Variants in NFX1 observed in about 807,000 individuals in gnomAD.
NFX1 encodes the protein transcriptional repressor NF-X1.
A neutral mutation model predicts 137.2 loss-of-function variants in NFX1; 69 were observed. The observed-to-expected ratio is 0.50, with a 90% CI of 0.41 to 0.61. The LOEUF is 0.61. Among genes scored for constraint, NFX1 ranks in the 20% least tolerant of loss-of-function variants. NFX1 has a pLI of 0.00. For missense variants in NFX1, 1,167 were observed against 1,391.0 expected (o/e 0.84, Z 2.56); for synonymous variants, 495 against 474.1 (o/e 1.04, Z -0.57).
At chr9:33,332,011 ATAT>A (rs1319443260) in intron 10 of NFX1, among the ~76,000 whole-genome samples, 3 of 152,190 alleles carry the variant, frequency 2.0e-5, no homozygotes, top group Non-Finnish European at 2.9e-5. Context: ...TAGTTTTGTG[ATAT>A]TATCAGGTGT....
chr9:33,299,748 T>C (rs1009920067), intron 2 of NFX1, among the ~76,000 whole-genome samples: 1 of 152,170 alleles, frequency 6.6e-6, no homozygotes, highest in Non-Finnish European at 1.5e-5. Flanking sequence ...TCCATGAATT[T>C]AACAAATATT....
chr9:33,347,456 A>G (rs567078024), intron 15 of NFX1, among the ~76,000 whole-genome samples: 1 of 152,290 alleles, frequency 6.6e-6, no homozygotes, highest in Admixed American at 6.5e-5. Flanking sequence ...TGTTCCAATC[A>G]TTTTACTTTA....
At chr9:33,299,769 C>T (rs1212318059) in intron 2 of NFX1, among the ~76,000 whole-genome samples, 2 of 152,164 alleles carry the variant, frequency 1.3e-5, no homozygotes. Context: ...TAATGGAGCA[C>T]CTAGTATATG....
rs1823680841 is a variant in NFX1 at position 33,352,699 on chromosome 9, A to C, written c.2709A>C (p.Glu903Asp). ...GAAAAGAGATGGTGATTTGCTCTGAAGCATCTAGTACTTATCAAAGGTTAG... is the reference window on the plus strand; with the variant it reads ...GAAAAGAGATGGTGATTTGCTCTGACGCATCTAGTACTTATCAAAGGTTAG... Reference protein sequence around the residue: ...GRRKEMVICSEASSTYQRIAA... With the variant: ...GRRKEMVICSDASSTYQRIAA... Residue 903 changes from glutamate (E) to aspartate (D), a missense_variant, in exon 17 of 24, where the codon GAA (glutamate) becomes GAC (aspartate). Physicochemically the swap from Glu to Asp is conservative, Grantham distance 45 (BLOSUM62 2). Coordinates refer to ENST00000379540, the MANE Select transcript of NFX1 (RefSeq NM_002504.6). 9 of 1,614,118 alleles carry C rather than the reference A, an allele frequency of 5.6e-6. No homozygotes were observed. Among genetic ancestry groups the C allele is most frequent in the Non-Finnish European group, 7.6e-6 (9 of 1,179,916 alleles).
intron 12 of NFX1, among the ~76,000 whole-genome samples, chr9:33,342,540 C>G (rs964541445): frequency 2.0e-5 from 3 of 152,210 alleles, no homozygotes; most frequent in Non-Finnish European, 4.4e-5. Flanking sequence ...TACACAACAT[C>G]CAGTTTCAGT....
Position 33,317,973 on chromosome 9 carries a change from C to CAAAAA in NFX1, c.1589-734_1589-730dup, listed in dbSNP as rs5897542. ...CCTGGGCAAGAGTGAGACTCTGTCT[C>CAAAAA]AAAAAAAAAAAAAAAAAAAAAAAAA... On this transcript the variant is annotated intron_variant, in intron 7 of 23. Transcript: ENST00000379540. Among the ~76,000 whole-genome samples the CAAAAA allele has an allele frequency of 5.5e-3, 246 of 44,392 alleles. 46 individuals carry two copies. Among genetic ancestry groups the CAAAAA allele is most frequent in the African/African-American group, 0.026 (230 of 8,694 alleles). The allele number at this position is 44,392 out of a possible 152,430, so 29.1% of individuals were successfully genotyped here.
chr9:33,291,087 G>C (rs1381143228), intron 1 of NFX1, among the ~76,000 whole-genome samples: 1 of 152,170 alleles, frequency 6.6e-6, no homozygotes, highest in Non-Finnish European at 1.5e-5. Context: ...GTTGGGAGTA[G>C]ATAAGTTAAT....
chr9:33,311,840 C>T (rs7867024), intron 6 of NFX1, among the ~76,000 whole-genome samples: 3,215 of 152,188 alleles, frequency 0.021, 130 homozygotes, highest in African/African-American at 0.073. Context: ...CATGAGCTAC[C>T]GCGCTCGGTC....
chr9:33,352,406 G>A (rs1823668738), intron 16 of NFX1: 1 of 620,088 alleles, frequency 1.6e-6, no homozygotes, highest in Admixed American at 2.1e-5. Flanking sequence ...TGCCCCTTCA[G>A]CCAGGATTAA....
intron 7 of NFX1, among the ~76,000 whole-genome samples, chr9:33,317,899 C>T (rs561275406): frequency 5.8e-5 from 7 of 121,552 alleles, no homozygotes; most frequent in South Asian, 2.9e-4. Context: ...TTGCATGAAC[C>T]GGGGAGGTGG....
chr9:33,323,626 G>A (rs570648058), intron 9 of NFX1, among the ~76,000 whole-genome samples: 42 of 152,062 alleles, frequency 2.8e-4, no homozygotes, highest in African/African-American at 8.2e-4. Flanking sequence ...GTTGGTATGC[G>A]CCTGTGGTCC....
At chr9:33,333,003 A>G (rs1173191751) in intron 11 of NFX1, among the ~76,000 whole-genome samples, 2 of 152,076 alleles carry the variant, frequency 1.3e-5, no homozygotes, top group East Asian at 3.9e-4. Flanking sequence ...CCACCACTAC[A>G]CCTGGCTGAT....
At chr9:33,297,849 C>G (rs1821413491) in intron 2 of NFX1, among the ~76,000 whole-genome samples, 1 of 152,134 alleles carries the variant, frequency 6.6e-6, no homozygotes, top group Non-Finnish European at 1.5e-5. Context: ...TTTAAAATGG[C>G]TTACTTGATT....
chr9:33,354,237 A>G (rs991819502), intron 18 of NFX1, 50 bp downstream of exon 18: 7 of 1,383,430 alleles, frequency 5.1e-6, no homozygotes, highest in South Asian at 1.2e-5. Flanking sequence ...TTAGACTTCA[A>G]TTAGAGGGCA....
intron 11 of NFX1, among the ~76,000 whole-genome samples, chr9:33,337,886 T>C (rs1470550831): frequency 6.6e-6 from 1 of 151,924 alleles, no homozygotes; most frequent in Non-Finnish European, 1.5e-5. Flanking sequence ...CTGTCTCTAC[T>C]AAAAATACAA....
chr9:33,335,217 C>A (rs1052537403), intron 11 of NFX1, among the ~76,000 whole-genome samples: 1 of 146,242 alleles, frequency 6.8e-6, no homozygotes, highest in African/African-American at 2.6e-5. Context: ...TCTATTTTAT[C>A]TTTCTTTTTC....
In NFX1 at chr9:33,364,743, A is replaced by G. The variant is rs764609252; in HGVS notation, c.3008A>G (p.Glu1003Gly). 6.2e-7 allele frequency: 1 copy of G among 1,613,978 alleles called. No homozygotes were observed. The highest frequency in any genetic ancestry group is 8.5e-7 in the Non-Finnish European group (1 of 1,179,958). Residue 1003 changes from glutamate to glycine, a missense_variant, in exon 21 of 24, where the codon GAA (glutamate) becomes GGA (glycine). Around this residue, in one of 3 missense-constraint regions of NFX1, gnomAD observed 312 missense variants for 312.8 expected, o/e 1.00. Transcript: ENST00000379540. Reference protein sequence around the residue: ...DLKFVSDVEKEMETLVEAVNK... With the variant: ...DLKFVSDVEKGMETLVEAVNK... ...AAGTTTGTCAGTGACGTTGAGAAGG[A>G]AATGGAAACCCTCGTGGAGGCCGTG...
intron 14 of NFX1, 81 bp from the exon 15 acceptor site, chr9:33,346,957 G>T: frequency 9.4e-7 from 1 of 1,060,682 alleles, no homozygotes; most frequent in South Asian, 1.7e-5. Context: ...GTTTCATGCC[G>T]TATGCCACTT....
At chr9:33,334,280 C>T in intron 11 of NFX1, among the ~76,000 whole-genome samples, 1 of 152,124 alleles carries the variant, frequency 6.6e-6, no homozygotes, top group East Asian at 1.9e-4. Context: ...CATAGTGAGG[C>T]ACTGTCTTTG....
Sources: allele counts gnomAD v4.1 joint callset (sites outside exome capture counted in the v4.1 genomes callset), GRCh38; gene constraint gnomAD v4.1.1; regional missense constraint gnomAD v4.1.1; transcripts MANE v1.5; gene names NCBI Gene and HGNC (gene_info 2026-07-23, HGNC 2026-07-21).